The following C2orf42 variants were observed in gnomAD, a reference collection of about 807,000 sequenced individuals.
C2orf42 encodes the protein chromosome 2 open reading frame 42.
In C2orf42, 44 loss-of-function variants were observed where a neutral mutation model predicts 58.9. The observed-to-expected ratio is 0.75, with a 90% CI of 0.59 to 0.96. The LOEUF (loss-of-function observed/expected upper bound fraction) is 0.96, where lower values mean the gene tolerates loss of function less well. Among genes scored for constraint, C2orf42 ranks in the 40% least tolerant of loss-of-function variants. The pLI is 0.00. For synonymous variants in C2orf42, 239 were observed against 265.4 expected (o/e 0.90, Z 0.97); for missense variants, 630 against 699.2 (o/e 0.90, Z 1.12).
In C2orf42 at chr2:70,160,617, T is replaced by C; in HGVS notation, c.1516+8A>G. 6.2e-7 allele frequency: 1 copy of C among 1,602,596 alleles called. No homozygotes were observed. The highest frequency in any genetic ancestry group is 8.5e-7 in the Non-Finnish European group (1 of 1,173,602). On this transcript the variant is annotated splice_region_variant and intron_variant, in intron 9 of 9. Transcript: ENST00000264434. The stretch of plus-strand genomic sequence containing the variant: ...TCAAAGGAAGATGCAGTTTTGAAGT[T>C]CACTTACCAACTTTGAGAAAAGTTT...
rs1183804526 is a variant in C2orf42 at position 70,165,140 on chromosome 2, CCAAGT to C, written c.1300_1304del (p.Thr434AlafsTer4). On this transcript the variant is annotated frameshift_variant, in exon 8 of 10. Transcript: ENST00000264434. LOFTEE classifies it high-confidence loss of function. ...TAACTTGCAGGATATTAGTGATATG[CCAAGT>C]ATACTTGGAAAAGGTTCCCAGTGGC... 1 of 1,610,850 alleles carries C rather than the reference CCAAGT, an allele frequency of 6.2e-7. No individual in the cohort carries two copies. The highest frequency in any genetic ancestry group is 1.3e-5 in the African/African-American group (1 of 74,822).
At chr2:70,183,597 T>C (rs1460841918) in intron 1 of C2orf42, among the ~76,000 whole-genome samples, 1 of 151,612 alleles carries the variant, frequency 6.6e-6, no homozygotes, top group Non-Finnish European at 1.5e-5. Context: ...GCCCGGCTAA[T>C]TTTTTGTATT....
intron 9 of C2orf42, among the ~76,000 whole-genome samples, chr2:70,157,156 C>T (rs997343482): frequency 1.3e-5 from 2 of 152,052 alleles, no homozygotes; most frequent in African/African-American, 2.4e-5. Flanking sequence ...ACAAAGAGGA[C>T]TTAAACACCA....
At chr2:70,186,289 C>T (rs1185849241) in intron 1 of C2orf42, among the ~76,000 whole-genome samples, 1 of 151,662 alleles carries the variant, frequency 6.6e-6, no homozygotes, top group East Asian at 1.9e-4. Flanking sequence ...TACGATACGA[C>T]ATATATATAC....
intron 1 of C2orf42, among the ~76,000 whole-genome samples, chr2:70,185,721 AT>A (rs981463798): frequency 9.4e-5 from 14 of 148,732 alleles, no homozygotes; most frequent in African/African-American, 1.5e-4. Flanking sequence ...ACAAAAAAAA[AT>A]ATATATATAT....
At chr2:70,162,050 C>T (rs1000169294) in intron 8 of C2orf42, among the ~76,000 whole-genome samples, 2 of 151,556 alleles carry the variant, frequency 1.3e-5, no homozygotes, top group Admixed American at 1.3e-4. Flanking sequence ...CTAGCTCTGT[C>T]ACCCAGGCTA....
At position 70,181,224 on chromosome 2, in the gene C2orf42, G is replaced by A. The variant is rs1674541499; in HGVS notation, c.762C>T (p.Ala254=). 6.3e-7 allele frequency: 1 copy of A among 1,599,130 alleles called. No homozygotes were observed. The highest frequency in any genetic ancestry group is 8.6e-7 in the Non-Finnish European group (1 of 1,168,676). ...RCIHFFACIC[A]FASDETLAQE... is the part of the protein sequence containing the mutation. ...GAGCCAGTGTCTCATCACTGGCAAA[G>A]GCACAGATGCAAGCAAAGAAATGAA... is the stretch of plus-strand genomic sequence containing the variant. The change falls in exon 3 of 10, where the codon GCC becomes GCT. Residue 254 remains alanine (A), a synonymous_variant. Coordinates refer to ENST00000264434, the MANE Select transcript of C2orf42 (RefSeq NM_017880.3).
chr2:70,160,779 C>G lies in C2orf42; in HGVS notation c.1362G>C (p.Leu454Phe), dbSNP rs1673008664. The change falls in exon 9 of 10, where the codon TTG becomes TTC. Residue 454 changes from leucine to phenylalanine, a missense_variant. Leu to Phe is a conservative substitution (Grantham distance 22). Coordinates refer to ENST00000264434, the MANE Select transcript of C2orf42 (RefSeq NM_017880.3). ...TCTGGATAAAGCTACGGGTGATTTC[C>G]AAGGGCATCTGGACACCAAGACAAT... ...KQILDTPEMP[L>F]EITRSFIQNR... is the part of the protein sequence containing the mutation. The G allele has an allele frequency of 6.3e-7, 1 of 1,593,266 alleles. No individual in the cohort carries two copies. The highest frequency in any genetic ancestry group is 8.5e-7 in the Non-Finnish European group (1 of 1,173,228).
chr2:70,182,101 C>T lies in C2orf42; in HGVS notation c.-12-104G>A, dbSNP rs116072394. 5,224 of 642,250 alleles carry T rather than the reference C, an allele frequency of 8.1e-3. 217 individuals carry two copies. The African/African-American group carries it at 0.086, about 11-fold the overall frequency. The allele number at this position is 642,250 out of a possible 1,614,324, so 39.8% of individuals were successfully genotyped here. On this transcript the variant is annotated intron_variant, in intron 2 of 9. Transcript: ENST00000264434. ...AGAAGGCAAAATATAAAAAAGCTAT[C>T]TACTATTTTTTTTTTTTAGACGGAG... is the stretch of plus-strand genomic sequence containing the variant.
At chr2:70,178,532 G>A (rs1288479954) in intron 4 of C2orf42, among the ~76,000 whole-genome samples, 2 of 152,098 alleles carry the variant, frequency 1.3e-5, no homozygotes, top group Admixed American at 1.3e-4. Context: ...GCTTGAACCT[G>A]GGCAGTGGAG....
chr2:70,160,457 T>G (rs946997956), intron 9 of C2orf42, among the ~76,000 whole-genome samples, 168 bp downstream of exon 9: 1 of 152,144 alleles, frequency 6.6e-6, no homozygotes, highest in African/African-American at 2.4e-5. Flanking sequence ...ATTTTATTTT[T>G]GAAAACACTG....
chr2:70,167,671 G>A (rs113003051), intron 6 of C2orf42, among the ~76,000 whole-genome samples: 28 of 152,200 alleles, frequency 1.8e-4, no homozygotes, highest in African/African-American at 6.5e-4. Context: ...AGCCTGGGAG[G>A]TGGAGGTTGC....
chr2:70,180,549 G>A (rs1414597156), intron 3 of C2orf42, among the ~76,000 whole-genome samples: 5 of 148,866 alleles, frequency 3.4e-5, no homozygotes, highest in Non-Finnish European at 5.9e-5. Context: ...CAGGGGTTGC[G>A]GTGAGCCAAG....
At chr2:70,183,236 A>C (rs907989608) in intron 1 of C2orf42, among the ~76,000 whole-genome samples, 4 of 152,060 alleles carry the variant, frequency 2.6e-5, no homozygotes, top group Non-Finnish European at 5.9e-5. Flanking sequence ...CAGGAGTTCA[A>C]GACCAGCCTG....
In C2orf42 at chr2:70,181,701, T is replaced by G; in HGVS notation, c.285A>C (p.Ser95=). 6.2e-7 allele frequency: 1 copy of G among 1,614,162 alleles called. No individual in the cohort carries two copies. Among genetic ancestry groups the G allele is most frequent in the Non-Finnish European group, 8.5e-7 (1 of 1,180,040 alleles). The change falls in exon 3 of 10, where the codon TCA becomes TCC. Residue 95 remains serine, a synonymous_variant. Transcript: ENST00000264434. ...DYRCFVELGV[S]ETTIQTVDGT... Reference sequence around the variant, plus strand: ...CATCCACTGTCTGGATTGTTGTCTCTGAAACCCCGAGCTCCACAAAGCATC... The same window carrying G: ...CATCCACTGTCTGGATTGTTGTCTCGGAAACCCCGAGCTCCACAAAGCATC...
Position 70,176,121 on chromosome 2 carries a change from G to C in C2orf42, c.935-344C>G, listed in dbSNP as rs555116029. On this transcript the variant is annotated intron_variant, in intron 4 of 9. Transcript: ENST00000264434. ...TTTTTAAGTAGTTGTGATTTTACCA[G>C]AGTTGCCAAATTTAGCAAAAAGAAA... Among the ~76,000 whole-genome samples the C allele has an allele frequency of 1.6e-3, 238 of 152,278 alleles. 1 individual carries two copies. The highest frequency in any genetic ancestry group is 2.6e-3 in the Non-Finnish European group (176 of 68,026).
chr2:70,161,535 TTTAC>T (rs1385849068), intron 8 of C2orf42, among the ~76,000 whole-genome samples: 3 of 152,076 alleles, frequency 2.0e-5, no homozygotes, highest in African/African-American at 7.2e-5. Flanking sequence ...TTCACATGTA[TTTAC>T]TTTTTTTAAG....
At chr2:70,163,212 T>A (rs569012247) in intron 8 of C2orf42, among the ~76,000 whole-genome samples, 92 of 151,284 alleles carry the variant, frequency 6.1e-4, no homozygotes, top group African/African-American at 2.2e-3. Context: ...AAAAACTCCA[T>A]CTCAGATTTT....
intron 9 of C2orf42, among the ~76,000 whole-genome samples, chr2:70,154,906 C>A (rs1481552839): frequency 2.0e-5 from 3 of 152,064 alleles, no homozygotes; most frequent in Non-Finnish European, 4.4e-5. Context: ...CAGGCATGTA[C>A]CACCATTCCT....
Sources: allele counts gnomAD v4.1 joint callset (sites outside exome capture counted in the v4.1 genomes callset), GRCh38; gene constraint gnomAD v4.1.1; transcripts MANE v1.5; gene names NCBI Gene and HGNC (gene_info 2026-07-23, HGNC 2026-07-21).